The following LRRC36 variants were observed in gnomAD, a reference collection of about 807,000 sequenced individuals.
The protein encoded by LRRC36 is leucine rich repeat containing 36, also known as leucine-rich repeat-containing protein 36.
LRRC36 carries 62 observed loss-of-function variants against 81.1 expected under a neutral mutation model. The observed-to-expected ratio is 0.76, with a 90% CI of 0.62 to 0.94. The LOEUF is 0.94. Among genes scored for constraint, LRRC36 ranks in the 40% least tolerant of loss-of-function variants. LRRC36 has a pLI of 0.00. For missense variants in LRRC36, 761 were observed against 881.7 expected (o/e 0.86, Z 1.73); for synonymous variants, 334 against 348.6 (o/e 0.96, Z 0.47).
intron 5 of LRRC36, among the ~76,000 whole-genome samples, chr16:67,360,889 T>C (rs970417087): frequency 6.6e-6 from 1 of 152,128 alleles, no homozygotes; most frequent in African/African-American, 2.4e-5. Flanking sequence ...TCTTACATAA[T>C]CCTGCTGGAA....
chr16:67,365,157 C>G (rs1597480014), intron 6 of LRRC36, 147 bp from the exon 7 acceptor site: 1 of 597,150 alleles, frequency 1.7e-6, no homozygotes, highest in Non-Finnish European at 3.0e-6. Context: ...TAGACTTAAA[C>G]TGGACCTTTG....
In LRRC36 at chr16:67,367,139, A is replaced by G. The variant is rs1013422525; in HGVS notation, c.877A>G (p.Ile293Val). 6 of 1,614,178 alleles carry G rather than the reference A, an allele frequency of 3.7e-6. No individual in the cohort carries two copies. In the African/African-American group the frequency reaches 5.3e-5, roughly 14 times the overall value. ...AGGTTCTTCTCCAGAAAAGGAATTGATACCAAAACCTGATACTTTTCATCT... is the reference window on the plus strand; with the variant it reads ...AGGTTCTTCTCCAGAAAAGGAATTGGTACCAAAACCTGATACTTTTCATCT... Reference protein sequence around the residue: ...SSGSSPEKELIPKPDTFHLTH... With the variant: ...SSGSSPEKELVPKPDTFHLTH... The change falls in exon 8 of 14, where the codon ATA (isoleucine) becomes GTA (valine). Residue 293 changes from isoleucine to valine, a missense_variant. Ile to Val is a conservative substitution (Grantham distance 29, BLOSUM62 3). Transcript: ENST00000329956.
intron 5 of LRRC36, among the ~76,000 whole-genome samples, chr16:67,353,447 C>T (rs546411015): frequency 5.3e-5 from 8 of 151,800 alleles, no homozygotes; most frequent in African/African-American, 9.7e-5. Context: ...AGTACAGTGG[C>T]GAGATCTCGG....
chr16:67,342,818 A>G (rs1231625315), intron 2 of LRRC36, among the ~76,000 whole-genome samples: 1 of 152,184 alleles, frequency 6.6e-6, no homozygotes, highest in East Asian at 1.9e-4. Flanking sequence ...ACAAAGACTC[A>G]CAGATGCTAT....
rs775152217 is a variant in LRRC36 at position 67,378,692 on chromosome 16, G to A, written c.1910G>A (p.Gly637Glu). ...EEGAAISIVS[G>E]QQSHTYDDLL... is the part of the protein sequence containing the mutation. ...GGTGCTGCCATCTCAATTGTGAGTG[G>A]GCAACAGTCACATACTTATGGTAAG... is the stretch of plus-strand genomic sequence containing the variant. Residue 637 changes from glycine to glutamate, a missense_variant, in exon 12 of 14, where the codon GGG becomes GAG. Transcript: ENST00000329956. The A allele has an allele frequency of 3.7e-5, 60 of 1,613,794 alleles. No homozygotes were observed. The highest frequency in any genetic ancestry group is 5.1e-5 in the Non-Finnish European group (60 of 1,179,902).
At chr16:67,335,614 G>A (rs1298682829) in intron 1 of LRRC36, among the ~76,000 whole-genome samples, 1 of 152,162 alleles carries the variant, frequency 6.6e-6, no homozygotes, top group African/African-American at 2.4e-5. Flanking sequence ...AATCACAAGA[G>A]TATTGATTGG....
At chr16:67,330,723 G>A (rs369436136) in intron 1 of LRRC36, among the ~76,000 whole-genome samples, 4 of 151,984 alleles carry the variant, frequency 2.6e-5, no homozygotes, top group African/African-American at 9.7e-5. Flanking sequence ...AAATTAGCCC[G>A]GCATGGTGGC....
At chr16:67,345,783 C>CT (rs964643557) in intron 2 of LRRC36, among the ~76,000 whole-genome samples, 47 of 145,704 alleles carry the variant, frequency 3.2e-4, no homozygotes, top group Middle Eastern at 3.6e-3. Flanking sequence ...CACACACACA[C>CT]TTTTTTTTTT....
intron 4 of LRRC36, among the ~76,000 whole-genome samples, chr16:67,349,219 T>A (rs1365543246): frequency 6.6e-6 from 1 of 152,152 alleles, no homozygotes; most frequent in East Asian, 1.9e-4. Flanking sequence ...TTATTTACCA[T>A]ATAATGATTG....
chr16:67,363,750 G>C, intron 6 of LRRC36, 36 bp downstream of exon 6: 1 of 1,605,962 alleles, frequency 6.2e-7, no homozygotes, highest in Non-Finnish European at 8.5e-7. Flanking sequence ...CTGTTGACTA[G>C]TCAATGATTA....
chr16:67,347,671 T>C (rs2038419192), intron 4 of LRRC36, 80 bp downstream of exon 4: 10 of 993,036 alleles, frequency 1.0e-5, no homozygotes, highest in African/African-American at 1.7e-5. Flanking sequence ...CTTTCTTCAT[T>C]TTCCAGCAGA....
rs1204402252 is a variant in LRRC36 at position 67,363,701 on chromosome 16, C to T, written c.689C>T (p.Pro230Leu). The change falls in exon 6 of 14, where the codon CCA becomes CTA. Residue 230 changes from proline to leucine, a missense_variant. Around this residue, in one of 3 missense-constraint regions of LRRC36, gnomAD observed 263 missense variants for 279.3 expected, o/e 0.94. Transcript: ENST00000329956. ...CGTGATCAGAAATTAGACACCTTCC[C>T]ACTGGGGACACAGGTAATGTATTCA... ...GTRDQKLDTF[P>L]LGTQTQEVAR... The T allele has an allele frequency of 6.2e-7, 1 of 1,613,804 alleles. No homozygotes were observed. Among genetic ancestry groups the T allele is most frequent in the Admixed American group, 1.7e-5 (1 of 60,004 alleles).
At position 67,367,316 on chromosome 16, in the gene LRRC36, C is replaced by T; in HGVS notation, c.1054C>T (p.Gln352Ter). 1 of 1,614,130 alleles carries T rather than the reference C, an allele frequency of 6.2e-7. No homozygotes were observed. The highest frequency in any genetic ancestry group is 8.5e-7 in the Non-Finnish European group (1 of 1,180,026). ...GCATGGAAGTCTTGGTAAAAGGCCT[C>T]AGAGAAGCAAGAACTATCAAGAGTA... Reference protein sequence around the residue: ...SLHGSLGKRPQRSKNYQEYSI... With the variant: ...SLHGSLGKRP The change falls in exon 8 of 14, where the codon CAG becomes TAG. Residue 352 changes from glutamine (Q) to a stop codon, truncating the protein, a stop_gained. Transcript: ENST00000329956. LOFTEE classifies it high-confidence loss of function.
At chr16:67,370,901 C>G in intron 8 of LRRC36, 43 bp from the exon 9 acceptor site, 2 of 1,544,694 alleles carry the variant, frequency 1.3e-6, no homozygotes, top group Non-Finnish European at 1.8e-6. Flanking sequence ...AGACATGAGG[C>G]AGTCAGAGGG....
intron 5 of LRRC36, chr16:67,362,403 C>T (rs530803713): frequency 1.5e-3 from 392 of 262,002 alleles, no homozygotes; most frequent in Non-Finnish European, 2.6e-3. Context: ...CCTCATCATC[C>T]GCCCGCCTCA....
At chr16:67,339,516 A>G (rs1280140522) in intron 1 of LRRC36, among the ~76,000 whole-genome samples, 1 of 152,218 alleles carries the variant, frequency 6.6e-6, no homozygotes, top group African/African-American at 2.4e-5. Context: ...TTTTAAAAAA[A>G]TAATAACCTC....
intron 5 of LRRC36, among the ~76,000 whole-genome samples, chr16:67,362,489 A>G (rs1170408967): frequency 6.6e-6 from 1 of 152,052 alleles, no homozygotes; most frequent in Non-Finnish European, 1.5e-5. Flanking sequence ...ACAGAGCCTA[A>G]AGTACTACTA....
intron 5 of LRRC36, 108 bp from the exon 6 acceptor site, chr16:67,363,482 A>G: frequency 9.3e-7 from 1 of 1,079,056 alleles, no homozygotes; most frequent in Non-Finnish European, 1.3e-6. Flanking sequence ...TGGCACCAGA[A>G]CTAGCACTCA....
chr16:67,337,662 A>AT (rs1367936860), intron 1 of LRRC36, among the ~76,000 whole-genome samples: 5 of 151,872 alleles, frequency 3.3e-5, no homozygotes, highest in Non-Finnish European at 5.9e-5. Flanking sequence ...ACTCGGCCTA[A>AT]TTTTTATTAT....
Sources: gnomAD v4.1 joint callset for allele counts (sites outside exome capture counted in the v4.1 genomes callset) on GRCh38, gnomAD v4.1.1 for gene constraint, gnomAD v4.1.1 regional missense constraint, MANE v1.5 for transcripts, NCBI Gene and HGNC (gene_info 2026-07-23, HGNC 2026-07-21) for gene names.